JOSD2: variants seen among roughly 807,000 people sequenced by gnomAD.
The protein encoded by JOSD2 is josephin-2.
A neutral mutation model predicts 19.3 loss-of-function variants in JOSD2; 20 were observed. The observed-to-expected ratio is 1.04, with a 90% CI of 0.73 to 1.51. The LOEUF is 1.51. Ranked by LOEUF, JOSD2 falls within the 40% of genes most tolerant of loss-of-function variation. The pLI, the probability that JOSD2 is intolerant of heterozygous loss-of-function variation, is 0.00. For missense variants in JOSD2, 215 were observed against 250.4 expected, an observed-to-expected ratio of 0.86 and a Z score of 0.95; for synonymous variants, 118 against 123.7, an observed-to-expected ratio of 0.95 and a Z score of 0.31.
At position 50,506,504 on chromosome 19, in the gene JOSD2, A is replaced by T. The variant is rs764343783; in HGVS notation, c.341T>A (p.Leu114Gln). 17 of 1,558,984 alleles carry T rather than the reference A, an allele frequency of 1.1e-5. No homozygotes were observed. The South Asian group carries it at 2.0e-4, about 18-fold the overall frequency. Residue 114 changes from leucine to glutamine, a missense_variant, in exon 4 of 5, where the codon CTG (leucine) becomes CAG (glutamine). Physicochemically the swap from Leu to Gln is moderately radical, Grantham distance 113. Transcript: ENST00000598418. The stretch of plus-strand genomic sequence containing the variant: ...GCGCAGCGGCAGTGACAGCAGCCCC[A>T]GCGACACGGGCGAGGGCAGGTTCAG... The part of the protein sequence containing the change: ...LILNLPSPVS[L>Q]GLLSLPLRRR...
intron 3 of JOSD2, among the ~76,000 whole-genome samples, chr19:50,507,255 G>A (rs552187363): frequency 2.0e-5 from 3 of 148,676 alleles, no homozygotes; most frequent in East Asian, 4.0e-4. Flanking sequence ...TGGCCAGCCG[G>A]CCATCAAAAC....
Position 50,507,719 on chromosome 19 carries a change from G to C in JOSD2, c.147-20C>G. On this transcript the variant is annotated intron_variant, in intron 2 of 4. Coordinates refer to ENST00000598418, the MANE Select transcript of JOSD2 (RefSeq NM_001270639.2). Reference sequence around the variant, plus strand: ...GCCAACCTGGTAGTGGGGGTGGCCAGAGCTGAGGTGGGGACCCCTGGAAAG... The same window carrying C: ...GCCAACCTGGTAGTGGGGGTGGCCACAGCTGAGGTGGGGACCCCTGGAAAG... 1.2e-6 allele frequency: 2 copies of C among 1,603,654 alleles called. No homozygotes were observed. The highest frequency in any genetic ancestry group is 1.3e-5 in the African/African-American group (1 of 74,826).
intron 3 of JOSD2, 64 bp from the exon 4 acceptor site, chr19:50,506,636 G>A (rs1979366740): frequency 2.1e-6 from 3 of 1,405,154 alleles, no homozygotes; most frequent in Admixed American, 5.0e-5. Context: ...AAATGTTGCT[G>A]AACATGTGGG....
rs1237294933 is a variant in JOSD2, at chr19:50,511,131, C to G, written c.-32G>C. 1 of 452,494 alleles carries G rather than the reference C, an allele frequency of 2.2e-6. No homozygotes were observed. The highest frequency in any genetic ancestry group is 7.2e-5 in the East Asian group (1 of 13,862). 28.0% of individuals were successfully genotyped at this position (452,494 alleles called of 1,614,324 possible). On this transcript the variant is annotated 5_prime_UTR_variant, in exon 1 of 5. Transcript: ENST00000598418. ...ACGCCCCTCACCCCGCCTGCCTCTC[C>G]GCTCCACCGAGCCAGGGGTTTCCGC...
At chr19:50,510,522 G>A in intron 1 of JOSD2, 74 bp from the exon 2 acceptor site, 1 of 1,399,722 alleles carries the variant, frequency 7.1e-7, no homozygotes, top group Non-Finnish European at 9.6e-7. Flanking sequence ...AGGCCTTTGG[G>A]GCATCGCCAT....
chr19:50,510,991 G>C (rs1301631270), intron 1 of JOSD2, 126 bp downstream of exon 1: 4 of 414,142 alleles, frequency 9.7e-6, no homozygotes, highest in Non-Finnish European at 2.0e-5. Flanking sequence ...CAGTCACTAA[G>C]CAACAGGAGT....
chr19:50,506,689 G>T, intron 3 of JOSD2, 117 bp from the exon 4 acceptor site: 2 of 927,438 alleles, frequency 2.2e-6, no homozygotes, highest in Non-Finnish European at 3.1e-6. Flanking sequence ...CCCACCCAGA[G>T]GTGTTCCTTA....
chr19:50,510,502 G>C, intron 1 of JOSD2, 54 bp from the exon 2 acceptor site: 1 of 1,500,814 alleles, frequency 6.7e-7, no homozygotes, highest in Non-Finnish European at 8.9e-7. Context: ...TAGAGGTCCA[G>C]CCTCCCAGCA....
chr19:50,506,172 G>A lies in JOSD2; in HGVS notation c.*1C>T, dbSNP rs145177559. On this transcript the variant is annotated 3_prime_UTR_variant, in exon 5 of 5. Coordinates refer to ENST00000598418, the MANE Select transcript of JOSD2 (RefSeq NM_001270639.2). ...CTGTGGGCGCCGATGGTCAGCCATGGTCAGTCTGTCCGCAGCCAGCTGCCC... is the reference window on the plus strand; with the variant it reads ...CTGTGGGCGCCGATGGTCAGCCATGATCAGTCTGTCCGCAGCCAGCTGCCC... 7.7e-4 allele frequency: 1,244 copies of A among 1,612,186 alleles called. 29 individuals are homozygous for A. The East Asian group carries it at 0.027, about 34-fold the overall frequency.
Position 50,510,441 on chromosome 19 carries a change from G to A in JOSD2, c.-10C>T. 3 of 1,600,622 alleles carry A rather than the reference G, an allele frequency of 1.9e-6. No homozygotes were observed. The highest frequency in any genetic ancestry group is 2.6e-6 in the Non-Finnish European group (3 of 1,173,434). On this transcript the variant is annotated 5_prime_UTR_variant, in exon 2 of 5. Coordinates refer to ENST00000598418, the MANE Select transcript of JOSD2 (RefSeq NM_001270639.2). ...CCGGGGCCTGGGACATGCCGTCCTC[G>A]GCTCCTGCTGGGGGTTGGGAGGGGG...
chr19:50,510,060 A>AAAAAAAAAAG, intron 2 of JOSD2: 1 of 450,142 alleles, frequency 2.2e-6, no homozygotes, highest in Non-Finnish European at 4.0e-6. Flanking sequence ...TCAAAAAAAA[A>AAAAAAAAAAG]AAAAAAAGAA....
rs758593015 is a variant in JOSD2 at position 50,510,489 on chromosome 19, A to T, written c.-17-41T>A. On this transcript the variant is annotated intron_variant, in intron 1 of 4. Transcript: ENST00000598418. ...GGGAGAAGGTCCTCAGGGGCCCGGGATCTAGAGGTCCAGCCTCCCAGCAGG... is the reference window on the plus strand; with the variant it reads ...GGGAGAAGGTCCTCAGGGGCCCGGGTTCTAGAGGTCCAGCCTCCCAGCAGG... The T allele has an allele frequency of 9.1e-6, 14 of 1,533,012 alleles. No individual in the cohort carries two copies. In the East Asian group the frequency reaches 3.2e-4, roughly 35 times the overall value. The allele number at this position is 1,533,012 out of a possible 1,614,324, so 95.0% of individuals were successfully genotyped here. A position where few individuals can be genotyped will look rare whatever the true frequency, so the allele number is the denominator to read the frequency against.
intron 1 of JOSD2, 146 bp downstream of exon 1, chr19:50,510,971 G>GC (rs1464637228): frequency 1.0e-5 from 4 of 394,286 alleles, no homozygotes; most frequent in African/African-American, 4.3e-5. Context: ...TGGCAACGGG[G>GC]CCCCCTCCCC....
chr19:50,506,763 G>A (rs1487931990), intron 3 of JOSD2, among the ~76,000 whole-genome samples, 191 bp from the exon 4 acceptor site: 1 of 149,106 alleles, frequency 6.7e-6, no homozygotes, highest in Non-Finnish European at 1.5e-5. Flanking sequence ...CCACCCATGC[G>A]GCCACCCAAC....
intron 2 of JOSD2, chr19:50,508,144 C>T (rs1979499326): frequency 4.5e-6 from 1 of 221,820 alleles, no homozygotes; most frequent in South Asian, 6.1e-5. Flanking sequence ...CCCTCTCCTG[C>T]TCTCAGCTCT....
intron 2 of JOSD2, among the ~76,000 whole-genome samples, chr19:50,509,493 G>C (rs1358652992): frequency 6.6e-6 from 1 of 152,174 alleles, no homozygotes; most frequent in Non-Finnish European, 1.5e-5. Flanking sequence ...AAGCCCAGAG[G>C]CCGCACAGAA....
chr19:50,507,593 C>T lies in JOSD2; in HGVS notation c.253G>A (p.Val85Met), dbSNP rs777270657. 22 of 1,606,940 alleles carry T rather than the reference C, an allele frequency of 1.4e-5. No homozygotes were observed. Among genetic ancestry groups the T allele is most frequent in the African/African-American group, 2.7e-5 (2 of 74,906 alleles). Reference protein sequence around the residue: ...AALQGLGLAAVWWDRRRPLSQ... With the variant: ...AALQGLGLAAMWWDRRRPLSQ... ...GCCTACCTCCTCCTGTCCCACCACA[C>T]GGCGGCCAGGCCCAGCCCCTGCAGA... is the stretch of plus-strand genomic sequence containing the variant. The change falls in exon 3 of 5, where the codon GTG becomes ATG. Residue 85 changes from valine (V) to methionine (M), a missense_variant. Coordinates refer to ENST00000598418, the MANE Select transcript of JOSD2 (RefSeq NM_001270639.2).
chr19:50,506,338 T>G, intron 4 of JOSD2, 40 bp downstream of exon 4: 1 of 1,605,938 alleles, frequency 6.2e-7, no homozygotes, highest in East Asian at 2.2e-5. Context: ...GGAGTGGGGT[T>G]TCAGGCCCCT....
At chr19:50,508,701 G>A (rs1462195881) in intron 2 of JOSD2, among the ~76,000 whole-genome samples, 3 of 26,424 alleles carry the variant, frequency 1.1e-4, no homozygotes, top group South Asian at 2.1e-3. Flanking sequence ...AAACGCTCGT[G>A]TGTGTGTGTG....
Sources: gnomAD v4.1 joint callset for allele counts (sites outside exome capture counted in the v4.1 genomes callset) on GRCh38, gnomAD v4.1.1 for gene constraint, MANE v1.5 for transcripts, NCBI Gene and HGNC (gene_info 2026-07-23, HGNC 2026-07-21) for gene names.